The following B4GALT6 variants were observed in gnomAD, a reference collection of about 807,000 sequenced individuals.
B4GALT6 encodes the protein beta-1,4-galactosyltransferase 6.
In B4GALT6, 14 loss-of-function variants were observed where a neutral mutation model predicts 46.3. The ratio of observed to expected loss-of-function variants is 0.30; its 90% CI spans 0.20 to 0.47. The LOEUF (loss-of-function observed/expected upper bound fraction) is 0.47, where lower values mean the gene tolerates loss of function less well. Among genes scored for constraint, B4GALT6 ranks in the 20% least tolerant of loss-of-function variants. The pLI is 0.99. For missense variants in B4GALT6, 386 were observed against 480.1 expected (o/e 0.80, Z 1.83); for synonymous variants, 168 against 162.0 (o/e 1.04, Z -0.28).
At chr18:31,627,234 G>T in intron 6 of B4GALT6, 113 bp from the exon 7 acceptor site, 1 of 789,818 alleles carries the variant, frequency 1.3e-6, no homozygotes, top group East Asian at 2.9e-5. Context: ...ATTCTATATA[G>T]ACAATTATGT....
the B4GALT6 span, among the ~76,000 whole-genome samples, chr18:31,723,816 C>T: frequency 6.6e-6 from 1 of 152,114 alleles, no homozygotes; most frequent in Non-Finnish European, 1.5e-5. Flanking sequence ...TCCCTATGGC[C>T]AAGAGGAGGA....
chr18:31,698,617 C>A, the B4GALT6 span, among the ~76,000 whole-genome samples: 2 of 148,878 alleles, frequency 1.3e-5, no homozygotes, highest in Non-Finnish European at 1.5e-5. Context: ...GGCAACAAAG[C>A]AAGACTCTAT....
the B4GALT6 span, among the ~76,000 whole-genome samples, chr18:31,698,346 C>T: frequency 6.6e-6 from 1 of 152,190 alleles, no homozygotes; most frequent in African/African-American, 2.4e-5. Context: ...ACAACATTGG[C>T]CAGTCACAGT....
At chr18:31,664,130 G>A (rs189190118) in intron 2 of B4GALT6, among the ~76,000 whole-genome samples, 6 of 151,132 alleles carry the variant, frequency 4.0e-5, no homozygotes, top group Admixed American at 2.0e-4. Flanking sequence ...CTTTGTTCTC[G>A]CTTTCCTCCT....
upstream of B4GALT6, among the ~76,000 whole-genome samples, chr18:31,685,336 C>T (rs1339450321): frequency 6.6e-6 from 1 of 151,612 alleles, no homozygotes; most frequent in Non-Finnish European, 1.5e-5. Flanking sequence ...AGAGCAGAGG[C>T]CGAGCGCCGT....
At chr18:31,631,905 T>C (rs1056480246) in intron 5 of B4GALT6, among the ~76,000 whole-genome samples, 3 of 152,202 alleles carry the variant, frequency 2.0e-5, no homozygotes, top group Non-Finnish European at 2.9e-5. Context: ...CAATAGTTTC[T>C]ATTATTGCTT....
chr18:31,648,221 T>A (rs1202603401), intron 3 of B4GALT6, among the ~76,000 whole-genome samples: 1 of 152,276 alleles, frequency 6.6e-6, no homozygotes. Context: ...ATAGTATAAA[T>A]CTAAGATTTT....
chr18:31,690,835 A>G (rs1158203420), upstream of B4GALT6, among the ~76,000 whole-genome samples: 1 of 152,184 alleles, frequency 6.6e-6, no homozygotes, highest in Non-Finnish European at 1.5e-5. Context: ...GAATGAGCTC[A>G]TGTCCTTTTC....
upstream of B4GALT6, among the ~76,000 whole-genome samples, chr18:31,689,599 C>T (rs1169743076): frequency 6.6e-6 from 1 of 152,084 alleles, no homozygotes; most frequent in Non-Finnish European, 1.5e-5. Flanking sequence ...AAAAAATTAG[C>T]TGGGCATGGT....
At chr18:31,660,546 C>T (rs1224772981) in intron 2 of B4GALT6, among the ~76,000 whole-genome samples, 2 of 148,342 alleles carry the variant, frequency 1.3e-5, no homozygotes, top group African/African-American at 2.5e-5. Flanking sequence ...TTGAGGGAGA[C>T]AGTAACAGTA....
upstream of B4GALT6, among the ~76,000 whole-genome samples, chr18:31,689,473 A>G (rs556311128): frequency 6.3e-4 from 96 of 152,242 alleles, 1 homozygote; most frequent in African/African-American, 2.2e-3. Context: ...GGCCGGGCGC[A>G]ATGGTTCATG....
At chr18:31,713,559 C>T in the B4GALT6 span, among the ~76,000 whole-genome samples, 1 of 152,146 alleles carries the variant, frequency 6.6e-6, no homozygotes. Context: ...ATGGATCCAG[C>T]ATGCAAGCCT....
the B4GALT6 span, among the ~76,000 whole-genome samples, chr18:31,720,886 G>A: frequency 6.6e-6 from 1 of 152,176 alleles, no homozygotes; most frequent in Admixed American, 6.5e-5. Context: ...GAGACCGTAG[G>A]CACATCCAAA....
At chr18:31,689,074 C>T (rs888123345), upstream of B4GALT6, among the ~76,000 whole-genome samples, 3 of 152,144 alleles carry the variant, frequency 2.0e-5, no homozygotes, top group Non-Finnish European at 4.4e-5. Context: ...AGTGAAGGCC[C>T]GACTACTATC....
At chr18:31,673,109 T>G (rs565190929) in intron 1 of B4GALT6, among the ~76,000 whole-genome samples, 7 of 152,120 alleles carry the variant, frequency 4.6e-5, no homozygotes, top group Non-Finnish European at 7.4e-5. Flanking sequence ...TTTCAGGCAC[T>G]AAAAGAAGCA....
At chr18:31,675,299 G>A (rs975195776) in intron 1 of B4GALT6, among the ~76,000 whole-genome samples, 1 of 152,168 alleles carries the variant, frequency 6.6e-6, no homozygotes, top group African/African-American at 2.4e-5. Context: ...GTGGAAACAT[G>A]TTTATCCACA....
At chr18:31,671,749 C>T (rs1396592891) in intron 1 of B4GALT6, among the ~76,000 whole-genome samples, 1 of 152,182 alleles carries the variant, frequency 6.6e-6, no homozygotes, top group East Asian at 1.9e-4. Flanking sequence ...AAGAAACCCT[C>T]ATTTCATAAA....
intron 1 of B4GALT6, among the ~76,000 whole-genome samples, chr18:31,667,423 TGAATGCTGAATGAAAAAAATTAG>T (rs1456953876): frequency 6.6e-6 from 1 of 152,184 alleles, no homozygotes; most frequent in Non-Finnish European, 1.5e-5. Context: ...TCTCCAAAGA[TGAATGCTGAATGAAAAAAATTAG>T]GAATGCTGAC....
upstream of B4GALT6, among the ~76,000 whole-genome samples, chr18:31,688,094 G>T (rs1281685362): frequency 6.6e-6 from 1 of 151,910 alleles, no homozygotes; most frequent in Non-Finnish European, 1.5e-5. Flanking sequence ...CTGTTTAAAT[G>T]CATAGTCTCA....
Sources: allele counts gnomAD v4.1 joint callset (sites outside exome capture counted in the v4.1 genomes callset), GRCh38; gene constraint gnomAD v4.1.1; transcripts MANE v1.5; gene names NCBI Gene and HGNC (gene_info 2026-07-23, HGNC 2026-07-21).